Variants in FAM24B observed in about 807,000 individuals in gnomAD.
FAM24B encodes the protein family with sequence similarity 24 member B.
Under a neutral mutation model 2.3 loss-of-function variants are expected in FAM24B, and 3 were observed. The observed-to-expected ratio is 1.29, with a 90% CI of 0.59 to 3.32. FAM24B has a LOEUF of 3.32. Among genes scored for constraint, FAM24B ranks in the 30% most tolerant of loss-of-function variants. The pLI is 0.03. For missense variants in FAM24B, 98 were observed against 117.2 expected (o/e 0.84, Z 0.76); for synonymous variants, 36 against 46.3 (o/e 0.78, Z 0.90).
intron 1 of FAM24B, among the ~76,000 whole-genome samples, chr10:122,867,655 A>G (rs773546119): frequency 6.6e-6 from 1 of 152,214 alleles, no homozygotes; most frequent in Non-Finnish European, 1.5e-5. Flanking sequence ...TTCTGCAGCC[A>G]CCGCTGCTGA....
At chr10:122,869,749 A>G (rs1847861279) in intron 1 of FAM24B, among the ~76,000 whole-genome samples, 1 of 152,236 alleles carries the variant, frequency 6.6e-6, no homozygotes, top group South Asian at 2.1e-4. Context: ...GAACAAAGAC[A>G]CAGCATACCA....
In FAM24B at chr10:122,850,593, C is replaced by T; in HGVS notation, c.-35-43G>A. 4 of 961,316 alleles carry T rather than the reference C, an allele frequency of 4.2e-6. No individual in the cohort carries two copies. The South Asian group carries it at 5.1e-5, about 12-fold the overall frequency. The allele number at this position is 961,316 out of a possible 1,614,324, so 59.5% of individuals were successfully genotyped here. On this transcript the variant is annotated intron_variant, in intron 2 of 3. Coordinates refer to ENST00000368898, the MANE Select transcript of FAM24B (RefSeq NM_152644.3). Reference sequence around the variant, plus strand: ...AGCAAGCACTGAGCCCACGTGGTCTCCCTCCCCACACAACCACTAAGCAAT... The same window carrying T: ...AGCAAGCACTGAGCCCACGTGGTCTTCCTCCCCACACAACCACTAAGCAAT...
intron 1 of FAM24B, among the ~76,000 whole-genome samples, chr10:122,859,545 T>G (rs1055604145): frequency 6.6e-6 from 1 of 152,164 alleles, no homozygotes; most frequent in African/African-American, 2.4e-5. Flanking sequence ...GACCTTGTCT[T>G]GCATGGCCAG....
At chr10:122,859,043 T>C (rs757410910) in intron 1 of FAM24B, among the ~76,000 whole-genome samples, 16 of 152,206 alleles carry the variant, frequency 1.1e-4, no homozygotes, top group Non-Finnish European at 2.4e-4. Flanking sequence ...TGCCCATCCT[T>C]GGTCTCTCTG....
chr10:122,866,310 TTATC>T (rs1393968535), intron 1 of FAM24B, among the ~76,000 whole-genome samples: 1 of 152,152 alleles, frequency 6.6e-6, no homozygotes, highest in African/African-American at 2.4e-5. Flanking sequence ...CCTATCAACT[TTATC>T]TATCTTTTCA....
intron 1 of FAM24B, among the ~76,000 whole-genome samples, chr10:122,869,686 T>C (rs1444991543): frequency 1.3e-5 from 2 of 152,074 alleles, no homozygotes; most frequent in Non-Finnish European, 2.9e-5. Context: ...GAATGACTAC[T>C]GGGTACATAA....
chr10:122,867,782 C>T (rs1338982803), intron 1 of FAM24B, among the ~76,000 whole-genome samples: 1 of 152,106 alleles, frequency 6.6e-6, no homozygotes, highest in African/African-American at 2.4e-5. Context: ...ACACCAAAAA[C>T]CCATCTGTAC....
intron 1 of FAM24B, among the ~76,000 whole-genome samples, chr10:122,861,020 C>T (rs1847718985): frequency 6.6e-6 from 1 of 151,998 alleles, no homozygotes; most frequent in Admixed American, 6.6e-5. Context: ...TTCAATAAAG[C>T]AAATTTTTAA....
chr10:122,859,017 T>C (rs1847685819), intron 1 of FAM24B, among the ~76,000 whole-genome samples: 1 of 152,226 alleles, frequency 6.6e-6, no homozygotes, highest in Admixed American at 6.5e-5. Context: ...CTCAGGAAAC[T>C]AGGCTCCCAC....
chr10:122,871,243 C>T (rs1330910722), intron 1 of FAM24B, among the ~76,000 whole-genome samples: 2 of 151,750 alleles, frequency 1.3e-5, no homozygotes, highest in African/African-American at 4.8e-5. Context: ...TGTGAAGGAC[C>T]TCTTCAAGGA....
chr10:122,854,739 A>G (rs146227294), intron 2 of FAM24B, among the ~76,000 whole-genome samples: 45 of 152,324 alleles, frequency 3.0e-4, no homozygotes, highest in African/African-American at 9.9e-4. Flanking sequence ...AGTGAGTTCA[A>G]CTTTGCAAAA....
chr10:122,862,074 G>T (rs1418999203), intron 1 of FAM24B, among the ~76,000 whole-genome samples: 1 of 152,164 alleles, frequency 6.6e-6, no homozygotes, highest in Non-Finnish European at 1.5e-5. Context: ...CCTGCCTCAA[G>T]GCCTTAGCCC....
intron 1 of FAM24B, among the ~76,000 whole-genome samples, chr10:122,871,785 T>C (rs1459793557): frequency 2.6e-5 from 4 of 151,972 alleles, no homozygotes; most frequent in South Asian, 2.1e-4. Flanking sequence ...CAAAAATTAA[T>C]TCAAGATGGA....
At chr10:122,874,562 A>C (rs182759184) in intron 1 of FAM24B, among the ~76,000 whole-genome samples, 15 of 152,256 alleles carry the variant, frequency 9.9e-5, no homozygotes, top group African/African-American at 3.6e-4. Context: ...CAACATTGTA[A>C]ATATTTCACT....
chr10:122,869,309 AC>A (rs1318076266), intron 1 of FAM24B, among the ~76,000 whole-genome samples: 6 of 152,190 alleles, frequency 3.9e-5, no homozygotes, highest in African/African-American at 1.4e-4. Flanking sequence ...CTACAAAGAG[AC>A]TTAGACTCCC....
intron 1 of FAM24B, among the ~76,000 whole-genome samples, chr10:122,856,632 G>A (rs775986097): frequency 5.9e-5 from 9 of 152,164 alleles, no homozygotes; most frequent in Non-Finnish European, 1.2e-4. Context: ...TGAGGCCTCA[G>A]TCTCAGTCTA....
chr10:122,854,592 T>G (rs1469591850), intron 2 of FAM24B, among the ~76,000 whole-genome samples: 2 of 152,228 alleles, frequency 1.3e-5, no homozygotes, highest in Non-Finnish European at 2.9e-5. Context: ...AGGAAGGGGC[T>G]GATTTTTGTG....
chr10:122,863,181 C>T (rs1847753091), intron 1 of FAM24B, among the ~76,000 whole-genome samples: 1 of 152,188 alleles, frequency 6.6e-6, no homozygotes, highest in Non-Finnish European at 1.5e-5. Flanking sequence ...CTGCTCCTAC[C>T]TACAGGTAAC....
At chr10:122,860,569 T>C (rs1847712742) in intron 1 of FAM24B, among the ~76,000 whole-genome samples, 1 of 152,246 alleles carries the variant, frequency 6.6e-6, no homozygotes, top group African/African-American at 2.4e-5. Flanking sequence ...TCAGTGTATG[T>C]CTGACTTTAT....
Sources: gnomAD v4.1 joint callset for allele counts (sites outside exome capture counted in the v4.1 genomes callset) on GRCh38, gnomAD v4.1.1 for gene constraint, MANE v1.5 for transcripts, NCBI Gene and HGNC (gene_info 2026-07-23, HGNC 2026-07-21) for gene names.